Variants in DMRT1 observed in about 807,000 individuals in gnomAD.
The protein encoded by DMRT1 is doublesex and mab-3 related transcription factor 1.
Under a neutral mutation model 32.3 loss-of-function variants are expected in DMRT1, and 7 were observed. That is an observed-to-expected ratio of 0.22 (90% CI 0.12 to 0.41). The LOEUF (loss-of-function observed/expected upper bound fraction) is 0.41. DMRT1 is among the 10% of genes least tolerant of loss of function. The pLI, the probability that DMRT1 is intolerant of heterozygous loss-of-function variation, is 1.00. For missense variants in DMRT1, 625 were observed against 500.5 expected (o/e 1.25, Z -2.37); for synonymous variants, 278 against 206.1 (o/e 1.35, Z -2.99).
At chr9:930,931 A>G (rs879727003) in intron 4 of DMRT1, among the ~76,000 whole-genome samples, 2 of 152,236 alleles carry the variant, frequency 1.3e-5, no homozygotes, top group Admixed American at 6.5e-5. Context: ...GGATTTTAGT[A>G]TATTAACAAA....
At chr9:954,638 CTTTAT>C (rs1819537747) in intron 4 of DMRT1, among the ~76,000 whole-genome samples, 1 of 151,630 alleles carries the variant, frequency 6.6e-6, no homozygotes, top group African/African-American at 2.4e-5. Context: ...GTTGTTTGGG[CTTTAT>C]TTTATTATTA....
intron 2 of DMRT1, among the ~76,000 whole-genome samples, chr9:870,780 T>C (rs1663893704): frequency 6.9e-6 from 1 of 144,010 alleles, no homozygotes; most frequent in Non-Finnish European, 1.5e-5. Context: ...GGTGTGATCA[T>C]GGCTCACTGC....
At chr9:901,349 C>G (rs1817565944) in intron 3 of DMRT1, among the ~76,000 whole-genome samples, 1 of 151,292 alleles carries the variant, frequency 6.6e-6, no homozygotes, top group South Asian at 2.1e-4. Flanking sequence ...TATTGTGAGA[C>G]AGAGCCTCAC....
chr9:904,107 T>G (rs1817685220), intron 3 of DMRT1, among the ~76,000 whole-genome samples: 1 of 152,232 alleles, frequency 6.6e-6, no homozygotes, highest in Non-Finnish European at 1.5e-5. Flanking sequence ...ACCTATTATC[T>G]GACACAGTAG....
chr9:963,135 T>C (rs1405234071), intron 4 of DMRT1, among the ~76,000 whole-genome samples: 1 of 152,216 alleles, frequency 6.6e-6, no homozygotes, highest in East Asian at 1.9e-4. Context: ...GTGATAGTTG[T>C]ATCAACGAGG....
intron 4 of DMRT1, among the ~76,000 whole-genome samples, chr9:926,116 C>G (rs1818515372): frequency 6.6e-6 from 1 of 152,234 alleles, no homozygotes; most frequent in Admixed American, 6.5e-5. Context: ...TAGCACATTA[C>G]TGTCACAGTA....
chr9:918,238 A>G (rs1266516338), intron 4 of DMRT1, among the ~76,000 whole-genome samples: 1 of 152,264 alleles, frequency 6.6e-6, no homozygotes, highest in Non-Finnish European at 1.5e-5. Flanking sequence ...TGTCTGCACA[A>G]TTTGGGGATG....
At chr9:907,117 C>T (rs1456641947) in intron 3 of DMRT1, among the ~76,000 whole-genome samples, 1 of 152,188 alleles carries the variant, frequency 6.6e-6, no homozygotes, top group Non-Finnish European at 1.5e-5. Context: ...TCCGTACAAA[C>T]ACACACCCCA....
chr9:941,782 T>C (rs1210235750), intron 4 of DMRT1, among the ~76,000 whole-genome samples: 1 of 152,258 alleles, frequency 6.6e-6, no homozygotes, highest in East Asian at 1.9e-4. Flanking sequence ...CTTTTTTGCA[T>C]GTATCAAAAT....
At chr9:909,580 C>A (rs1885779) in intron 3 of DMRT1, among the ~76,000 whole-genome samples, 128,718 of 152,146 alleles carry the variant, frequency 0.85, 54,662 homozygotes, top group Middle Eastern at 0.93. Context: ...ACCAGAAGAC[C>A]CAGAATTCTA....
intron 4 of DMRT1, among the ~76,000 whole-genome samples, chr9:918,375 C>G (rs141489090): frequency 6.6e-6 from 1 of 152,200 alleles, no homozygotes; most frequent in African/African-American, 2.4e-5. Flanking sequence ...GTTCTTGAGA[C>G]AAAGGTGTAA....
chr9:863,293 G>A (rs1815807976), intron 2 of DMRT1, among the ~76,000 whole-genome samples: 1 of 149,030 alleles, frequency 6.7e-6, no homozygotes, highest in Non-Finnish European at 1.5e-5. Context: ...ATTTCAGCCT[G>A]GGTGACAGAG....
chr9:842,926 C>G (rs577815068), intron 1 of DMRT1: 2 of 152,252 alleles, frequency 1.3e-5, no homozygotes, highest in African/African-American at 4.8e-5. Flanking sequence ...CTAGAGGAGT[C>G]TTCAGGATCT....
At position 894,288 on chromosome 9, in the gene DMRT1, C is replaced by G. The variant is rs150585756; in HGVS notation, c.822+93C>G. 6.5e-6 allele frequency: 9 copies of G among 1,383,406 alleles called. No individual in the cohort carries two copies. In the African/African-American group the frequency reaches 8.5e-5, roughly 13 times the overall value. 85.7% of individuals were successfully genotyped at this position (1,383,406 alleles called of 1,614,324 possible). A position where few individuals can be genotyped will look rare whatever the true frequency, so the allele number is the denominator to read the frequency against. ...ACATACACACAGAGGCACACACGCA[C>G]TTGTGCGCCCAGAGGCACACACAGG... On this transcript the variant is annotated intron_variant, in intron 3 of 4. Transcript: ENST00000382276.
At chr9:967,878 A>G in intron 4 of DMRT1, 107 bp from the exon 5 acceptor site, 2 of 1,048,950 alleles carry the variant, frequency 1.9e-6, no homozygotes, top group Non-Finnish European at 2.9e-6. Flanking sequence ...GGAGAGCGTC[A>G]CTTTCTTTGT....
chr9:928,511 G>C (rs113022424), intron 4 of DMRT1, among the ~76,000 whole-genome samples: 1,723 of 152,212 alleles, frequency 0.011, 19 homozygotes, highest in Non-Finnish European at 0.015. Flanking sequence ...TGATTAACTC[G>C]GCCAGGTCTG....
chr9:879,437 AC>A (rs1408011078), intron 2 of DMRT1, among the ~76,000 whole-genome samples: 2 of 152,182 alleles, frequency 1.3e-5, no homozygotes, highest in African/African-American at 4.8e-5. Context: ...AATCTCTTTT[AC>A]GTTTGGCTTA....
chr9:901,600 T>C (rs1200911344), intron 3 of DMRT1, among the ~76,000 whole-genome samples: 1 of 152,092 alleles, frequency 6.6e-6, no homozygotes. Flanking sequence ...GTGCTGGGAT[T>C]ATAGGCGGGA....
At chr9:871,179 G>T (rs571280629) in intron 2 of DMRT1, among the ~76,000 whole-genome samples, 1 of 150,202 alleles carries the variant, frequency 6.7e-6, no homozygotes, top group Non-Finnish European at 1.5e-5. Flanking sequence ...GACTACAGGC[G>T]TGTGCACCAC....
Sources: allele counts gnomAD v4.1 joint callset (sites outside exome capture counted in the v4.1 genomes callset), GRCh38; gene constraint gnomAD v4.1.1; transcripts MANE v1.5; gene names NCBI Gene and HGNC (gene_info 2026-07-23, HGNC 2026-07-21).